RIC8B: variants seen among roughly 807,000 people sequenced by gnomAD.
The protein encoded by RIC8B is RIC8 guanine nucleotide exchange factor B, also known as chaperone Ric-8B.
RIC8B carries 16 observed loss-of-function variants against 57.5 expected under a neutral mutation model. The ratio of observed to expected loss-of-function variants is 0.28; its 90% CI spans 0.19 to 0.42. The LOEUF (loss-of-function observed/expected upper bound fraction) is 0.42. Ranked by LOEUF, RIC8B falls within the 10% of genes least tolerant of loss-of-function variation. The pLI is 1.00. For missense variants in RIC8B, 481 were observed against 677.0 expected (o/e 0.71, Z 3.21); for synonymous variants, 216 against 250.8 (o/e 0.86, Z 1.31).
intron 1 of RIC8B, among the ~76,000 whole-genome samples, chr12:106,781,100 C>G (rs1309052325): frequency 1.3e-5 from 2 of 152,100 alleles, no homozygotes; most frequent in Non-Finnish European, 2.9e-5. Flanking sequence ...CTTGCTTGAT[C>G]TCTAAATTGA....
intron 9 of RIC8B, among the ~76,000 whole-genome samples, chr12:106,871,681 A>G (rs1029795718): frequency 3.3e-5 from 5 of 152,134 alleles, no homozygotes; most frequent in African/African-American, 9.7e-5. Context: ...TTGAGTCACT[A>G]TCTTCTTTAA....
chr12:106,815,225 C>G lies in RIC8B; in HGVS notation c.662C>G (p.Pro221Arg). 6.2e-7 allele frequency: 1 copy of G among 1,614,126 alleles called. No homozygotes were observed. Among genetic ancestry groups the G allele is most frequent in the Non-Finnish European group, 8.5e-7 (1 of 1,179,980 alleles). Residue 221 changes from proline (P) to arginine (R), a missense_variant, in exon 3 of 10, where the codon CCT (proline) becomes CGT (arginine). Coordinates refer to ENST00000392837, the MANE Select transcript of RIC8B (RefSeq NM_001330145.2). Reference sequence around the variant, plus strand: ...GACCATAATGGACCTCCTCTCTCACCTCAGGAGACAGACTGTGCCATTGAG... The same window carrying G: ...GACCATAATGGACCTCCTCTCTCACGTCAGGAGACAGACTGTGCCATTGAG... ...AIDHNGPPLSPQETDCAIEAL... is the reference protein window; with the variant it reads ...AIDHNGPPLSRQETDCAIEAL...
chr12:106,880,408 T>TA (rs2136663057), intron 9 of RIC8B, among the ~76,000 whole-genome samples: 1 of 152,256 alleles, frequency 6.6e-6, no homozygotes, highest in Non-Finnish European at 1.5e-5. Flanking sequence ...GAAATTAGTA[T>TA]AGAATATTGG....
At chr12:106,778,138 G>A (rs1276840344) in intron 1 of RIC8B, among the ~76,000 whole-genome samples, 1 of 152,184 alleles carries the variant, frequency 6.6e-6, no homozygotes, top group Non-Finnish European at 1.5e-5. Flanking sequence ...ATTAAACGTG[G>A]CATGAGTTGG....
intron 7 of RIC8B, among the ~76,000 whole-genome samples, chr12:106,856,184 A>C (rs1479387112): frequency 6.6e-6 from 1 of 152,260 alleles, no homozygotes; most frequent in Admixed American, 6.5e-5. Context: ...TTAACTATTA[A>C]TAAGCTATTA....
At chr12:106,812,352 C>T (rs987481569) in intron 2 of RIC8B, among the ~76,000 whole-genome samples, 8 of 152,036 alleles carry the variant, frequency 5.3e-5, no homozygotes, top group African/African-American at 1.7e-4. Context: ...TTTTGTATAG[C>T]CCTGGCTATT....
At chr12:106,842,442 A>C (rs756696142) in intron 4 of RIC8B, 147 bp from the exon 5 acceptor site, 55 of 590,856 alleles carry the variant, frequency 9.3e-5, no homozygotes, top group Non-Finnish European at 1.5e-4. Flanking sequence ...TCTCATAGTA[A>C]GTGTCAAGTG....
At chr12:106,866,260 TTGAA>T (rs779386392) in intron 8 of RIC8B, among the ~76,000 whole-genome samples, 5 of 152,178 alleles carry the variant, frequency 3.3e-5, no homozygotes, top group Non-Finnish European at 5.9e-5. Context: ...TAAATTTTTG[TTGAA>T]TGAATGAATT....
chr12:106,875,383 G>T (rs1950616189), intron 9 of RIC8B, among the ~76,000 whole-genome samples: 1 of 152,058 alleles, frequency 6.6e-6, no homozygotes, highest in African/African-American at 2.4e-5. Context: ...AACTCAAGCA[G>T]GAGATCTGAA....
At position 106,843,965 on chromosome 12, in the gene RIC8B, A is replaced by T; in HGVS notation, c.1161+18A>T. 1 of 1,500,544 alleles carries T rather than the reference A, an allele frequency of 6.7e-7. No homozygotes were observed. Among genetic ancestry groups the T allele is most frequent in the Non-Finnish European group, 9.3e-7 (1 of 1,078,346 alleles). The allele number at this position is 1,500,544 out of a possible 1,614,324, so 93.0% of individuals were successfully genotyped here. A position where few individuals can be genotyped will look rare whatever the true frequency, so the allele number is the denominator to read the frequency against. ...AAGATCAGGTAACTGCTTAATGCAT[A>T]TTACATTGCAAAGTTAGTCTTTTTA... On this transcript the variant is annotated intron_variant, in intron 6 of 9. Coordinates refer to ENST00000392837, the MANE Select transcript of RIC8B (RefSeq NM_001330145.2).
Position 106,842,450 on chromosome 12 carries a change from G to A in RIC8B, c.837-139G>A, listed in dbSNP as rs1948992018. On this transcript the variant is annotated intron_variant, in intron 4 of 9. Coordinates refer to ENST00000392837, the MANE Select transcript of RIC8B (RefSeq NM_001330145.2). Reference sequence around the variant, plus strand: ...TTTCCTATCTCATAGTAAGTGTCAAGTGTCCATAATGGCTCATTTTTGGAA... The same window carrying A: ...TTTCCTATCTCATAGTAAGTGTCAAATGTCCATAATGGCTCATTTTTGGAA... 8.1e-6 allele frequency: 5 copies of A among 614,808 alleles called. No individual in the cohort carries two copies. The South Asian group carries it at 1.1e-4, about 14-fold the overall frequency. The allele number at this position is 614,808 out of a possible 1,614,324, so 38.1% of individuals were successfully genotyped here. A position where few individuals can be genotyped will look rare whatever the true frequency, so the allele number is the denominator to read the frequency against.
chr12:106,823,971 C>T (rs1008205924), intron 3 of RIC8B, among the ~76,000 whole-genome samples: 1 of 152,214 alleles, frequency 6.6e-6, no homozygotes, highest in Non-Finnish European at 1.5e-5. Context: ...CAGGCATGAA[C>T]CACGGCACCC....
intron 2 of RIC8B, among the ~76,000 whole-genome samples, chr12:106,786,141 A>ACT (rs2044013086): frequency 1.4e-5 from 1 of 73,886 alleles, no homozygotes; most frequent in South Asian, 4.8e-4. Flanking sequence ...CCCAAGGTGT[A>ACT]TTTTTTTTTT....
intron 2 of RIC8B, among the ~76,000 whole-genome samples, chr12:106,796,117 C>T (rs921399849): frequency 2.0e-5 from 3 of 152,174 alleles, no homozygotes; most frequent in Admixed American, 6.5e-5. Flanking sequence ...CTTTTAGAAA[C>T]CCAGGTGGCT....
At chr12:106,860,825 C>T (rs192883641) in intron 8 of RIC8B, among the ~76,000 whole-genome samples, 1 of 152,114 alleles carries the variant, frequency 6.6e-6, no homozygotes, top group East Asian at 1.9e-4. Flanking sequence ...CTCCCCCTTG[C>T]ATAAAAGCCC....
At chr12:106,864,777 A>C (rs561339317) in intron 8 of RIC8B, among the ~76,000 whole-genome samples, 11 of 152,128 alleles carry the variant, frequency 7.2e-5, no homozygotes, top group African/African-American at 2.7e-4. Context: ...CATCACCACT[A>C]TCTCTCTTCA....
intron 8 of RIC8B, among the ~76,000 whole-genome samples, chr12:106,866,971 T>G (rs1323547336): frequency 2.6e-5 from 4 of 152,226 alleles, no homozygotes; most frequent in Non-Finnish European, 5.9e-5. Flanking sequence ...TTCACTTATG[T>G]TACCTGTCCA....
intron 1 of RIC8B, among the ~76,000 whole-genome samples, chr12:106,779,100 A>G (rs1459794787): frequency 6.6e-6 from 1 of 152,070 alleles, no homozygotes; most frequent in East Asian, 1.9e-4. Context: ...TTTAGTAGAG[A>G]CGGGGTTTCA....
rs1387727022 is a variant in RIC8B, at chr12:106,871,471, T to TAAAAAAAAAAAAAA, written c.1571+543_1571+556dup. On this transcript the variant is annotated intron_variant, in intron 9 of 9. Coordinates refer to ENST00000392837, the MANE Select transcript of RIC8B (RefSeq NM_001330145.2). ...AGGGACTTGTATTAATTAGGAGTTC[T>TAAAAAAAAAAAAAA]AAAAAAAAAAAAAAAAAAAAAAAAA... 3.2e-4 allele frequency: 10 copies of TAAAAAAAAAAAAAA among 30,918 alleles called. 1 individual carries two copies. The highest frequency in any genetic ancestry group is 5.4e-4 in the African/African-American group (4 of 7,462). 1.9% of individuals were successfully genotyped at this position (30,918 alleles called of 1,614,324 possible). A position where few individuals can be genotyped will look rare whatever the true frequency, so the allele number is the denominator to read the frequency against.
Sources: gnomAD v4.1 joint callset for allele counts (sites outside exome capture counted in the v4.1 genomes callset) on GRCh38, gnomAD v4.1.1 for gene constraint, MANE v1.5 for transcripts, NCBI Gene and HGNC (gene_info 2026-07-23, HGNC 2026-07-21) for gene names.